The following LDLRAD4 variants were observed in gnomAD, a reference collection of about 807,000 sequenced individuals.
LDLRAD4 encodes the protein low-density lipoprotein receptor class A domain-containing protein 4.
LDLRAD4 carries 5 observed loss-of-function variants against 17.0 expected under a neutral mutation model. That is an observed-to-expected ratio of 0.29 (90% confidence interval 0.15 to 0.62). The LOEUF is 0.62. LDLRAD4 is among the 20% of genes least tolerant of loss of function. The pLI, the probability that LDLRAD4 is intolerant of heterozygous loss-of-function variation, is 0.84. For missense variants in LDLRAD4, 340 were observed against 424.7 expected, an observed-to-expected ratio of 0.80 and a Z score of 1.75; for synonymous variants, 168 against 171.8, an observed-to-expected ratio of 0.98 and a Z score of 0.17.
chr18:13,345,661 C>G (rs537399447), intron 1 of LDLRAD4, among the ~76,000 whole-genome samples: 289 of 152,316 alleles, frequency 1.9e-3, no homozygotes, highest in African/African-American at 6.5e-3. Context: ...GGAATGGTGC[C>G]AGCTCCTCCT....
chr18:13,474,861 C>T (rs1025290599), intron 3 of LDLRAD4, among the ~76,000 whole-genome samples: 16 of 152,174 alleles, frequency 1.1e-4, no homozygotes, highest in Non-Finnish European at 2.1e-4. Context: ...AGGAAATGTG[C>T]GGCCCAGGGG....
chr18:13,370,177 T>C (rs927968116), intron 1 of LDLRAD4, among the ~76,000 whole-genome samples: 1 of 152,254 alleles, frequency 6.6e-6, no homozygotes, highest in Non-Finnish European at 1.5e-5. Context: ...GCAAAATACA[T>C]GCGCCAGCAC....
rs1027680867 is a variant in LDLRAD4 at position 13,522,462 on chromosome 18, G to A, written c.181+84078G>A. 5.7e-4 allele frequency: 86 copies of A among 152,132 alleles called. 1 individual carries two copies. Among genetic ancestry groups the A allele is most frequent in the African/African-American group, 2.0e-3 (84 of 41,504 alleles). The allele number at this position is 152,132 out of a possible 1,614,324, so 9.4% of individuals were successfully genotyped here. A position where few individuals can be genotyped will look rare whatever the true frequency, so the allele number is the denominator to read the frequency against. ...CCCCTGCAGGTCCTTGGAAGGGCTA[G>A]TCTGCATATCTCGTATCTGCACTGA... On this transcript the variant is annotated intron_variant, in intron 3 of 5. Coordinates refer to ENST00000359446, the Ensembl canonical transcript of LDLRAD4.
At chr18:13,347,599 C>T (rs2082767798) in intron 1 of LDLRAD4, among the ~76,000 whole-genome samples, 1 of 152,108 alleles carries the variant, frequency 6.6e-6, no homozygotes, top group Non-Finnish European at 1.5e-5. Context: ...TCTGTATTTC[C>T]TGAATTTGAA....
chr18:13,325,908 G>A (rs969851421), intron 1 of LDLRAD4, among the ~76,000 whole-genome samples: 8 of 152,002 alleles, frequency 5.3e-5, no homozygotes, highest in African/African-American at 9.7e-5. Flanking sequence ...GCCCGCCACC[G>A]TGCCTGCCAC....
Position 13,621,216 on chromosome 18 carries a change from G to A in LDLRAD4, c.281G>A (p.Arg94Gln), listed in dbSNP as rs371734327. 3.7e-6 allele frequency: 6 copies of A among 1,613,976 alleles called. No individual in the cohort carries two copies. Among genetic ancestry groups the A allele is most frequent in the Admixed American group, 1.7e-5 (1 of 60,012 alleles). The change falls in exon 4 of 6, where the codon CGG becomes CAG. Residue 94 changes from arginine to glutamine, a missense_variant. Coordinates refer to ENST00000359446, the Ensembl canonical transcript of LDLRAD4. The surrounding 1 kb of genome is among the most constrained non-coding windows in gnomAD (Gnocchi z 5.5). ...CTGAACCACTACAAAGTCTCCACGCGGTCCTTCATCAACCGCCCGAACCAG... is the reference window on the plus strand; with the variant it reads ...CTGAACCACTACAAAGTCTCCACGCAGTCCTTCATCAACCGCCCGAACCAG...
chr18:13,329,729 G>C (rs984182041), intron 1 of LDLRAD4, among the ~76,000 whole-genome samples: 1 of 152,050 alleles, frequency 6.6e-6, no homozygotes, highest in Non-Finnish European at 1.5e-5. Context: ...TCCCCTAAAT[G>C]TTACCAATTC....
At chr18:13,321,234 G>C (rs545974510) in intron 1 of LDLRAD4, among the ~76,000 whole-genome samples, 41 of 152,268 alleles carry the variant, frequency 2.7e-4, no homozygotes, top group African/African-American at 9.4e-4. Context: ...ACTCAGCCCT[G>C]CATCTCCCCC....
chr18:13,402,594 G>C (rs2087327800), intron 2 of LDLRAD4, among the ~76,000 whole-genome samples: 1 of 152,204 alleles, frequency 6.6e-6, no homozygotes, highest in South Asian at 2.1e-4. Flanking sequence ...AGTCCTAAGA[G>C]TTCTCATTTC....
At chr18:13,254,218 C>A (rs534111882) in intron 1 of LDLRAD4, among the ~76,000 whole-genome samples, 1 of 152,342 alleles carries the variant, frequency 6.6e-6, no homozygotes, top group Admixed American at 6.5e-5. Flanking sequence ...GAGGGCACAG[C>A]CCGAGGCCCA....
At chr18:13,368,447 T>G (rs1599719485) in intron 1 of LDLRAD4, among the ~76,000 whole-genome samples, 2 of 152,110 alleles carry the variant, frequency 1.3e-5, no homozygotes, top group Non-Finnish European at 2.9e-5. Flanking sequence ...GCTGCAGTTA[T>G]GCACAGCCTT....
chr18:13,286,989 G>A (rs1263918338), intron 1 of LDLRAD4, among the ~76,000 whole-genome samples: 1 of 152,184 alleles, frequency 6.6e-6, no homozygotes, highest in East Asian at 1.9e-4. Context: ...CCTAGGAGGT[G>A]GCGCTCACTC....
chr18:13,372,645 A>C (rs1325023008), intron 1 of LDLRAD4, among the ~76,000 whole-genome samples: 1 of 152,198 alleles, frequency 6.6e-6, no homozygotes, highest in African/African-American at 2.4e-5. Flanking sequence ...CCAGCTCTGC[A>C]GGGTTTTTCC....
chr18:13,363,857 G>A (rs2083866200), intron 1 of LDLRAD4, among the ~76,000 whole-genome samples: 1 of 152,176 alleles, frequency 6.6e-6, no homozygotes, highest in African/African-American at 2.4e-5. Context: ...CTCTTTTGGT[G>A]GAACTGTAAT....
chr18:13,429,436 G>A (rs1313782247), intron 2 of LDLRAD4, among the ~76,000 whole-genome samples: 13 of 152,354 alleles, frequency 8.5e-5, no homozygotes, highest in East Asian at 7.7e-4. Flanking sequence ...GGGAATGGCC[G>A]TGTGGAGCTG....
intron 2 of LDLRAD4, among the ~76,000 whole-genome samples, chr18:13,418,471 C>A (rs976973948): frequency 6.6e-6 from 1 of 152,242 alleles, no homozygotes; most frequent in Non-Finnish European, 1.5e-5. Flanking sequence ...CCTGTTGCTG[C>A]CCTGAAGACT....
At chr18:13,439,067 G>A (rs73956407) in intron 3 of LDLRAD4, among the ~76,000 whole-genome samples, 1,698 of 152,296 alleles carry the variant, frequency 0.011, 25 homozygotes, top group African/African-American at 0.039. Flanking sequence ...TTGAGGCTGA[G>A]GATCTTTCTG....
At chr18:13,479,818 G>A (rs1317355074) in intron 3 of LDLRAD4, among the ~76,000 whole-genome samples, 1 of 152,116 alleles carries the variant, frequency 6.6e-6, no homozygotes, top group Non-Finnish European at 1.5e-5. Flanking sequence ...TGGAAAATAA[G>A]CATATGAAAA....
At chr18:13,605,280 C>T (rs920382168) in intron 3 of LDLRAD4, among the ~76,000 whole-genome samples, 4 of 152,252 alleles carry the variant, frequency 2.6e-5, no homozygotes, top group Admixed American at 6.5e-5. Context: ...TGCATTGGCA[C>T]AATCACAGCT....
Sources: gnomAD v4.1 joint callset for allele counts (sites outside exome capture counted in the v4.1 genomes callset) on GRCh38, gnomAD v4.1.1 for gene constraint, Gnocchi (gnomAD v3.1) non-coding constraint, MANE v1.5 for transcripts, NCBI Gene and HGNC (gene_info 2026-07-23, HGNC 2026-07-21) for gene names.